The following SLC28A1 variants were observed in gnomAD, a reference collection of about 807,000 sequenced individuals.
The protein encoded by SLC28A1 is sodium/nucleoside cotransporter 1.
In SLC28A1, 64 loss-of-function variants were observed where a neutral mutation model predicts 74.8. The observed-to-expected ratio is 0.86, with a 90% CI of 0.70 to 1.05. SLC28A1 has a LOEUF of 1.05. SLC28A1 is among the 50% of genes least tolerant of loss of function. SLC28A1 has a pLI of 0.00. For missense variants in SLC28A1, 828 were observed against 822.8 expected (o/e 1.01, Z -0.08); for synonymous variants, 359 against 335.0 (o/e 1.07, Z -0.78).
chr15:84,920,566 G>C lies in SLC28A1; in HGVS notation c.877-423G>C, dbSNP rs1056910651. Among the ~76,000 whole-genome samples the C allele has an allele frequency of 3.9e-5, 6 of 152,232 alleles. No individual in the cohort carries two copies. The East Asian group carries it at 1.2e-3, about 29-fold the overall frequency. ...CACAGCATGTTAGTAAATGTTACCA[G>C]GTAAAGGTAGCCTAATCCCATGGTC... On this transcript the variant is annotated intron_variant, in intron 10 of 18. Coordinates refer to ENST00000394573, the MANE Select transcript of SLC28A1 (RefSeq NM_004213.5).
chr15:84,890,418 T>C (rs1167555331), intron 4 of SLC28A1, 25 bp from the exon 5 acceptor site: 2 of 1,573,108 alleles, frequency 1.3e-6, no homozygotes, highest in African/African-American at 1.3e-5. Context: ...CATGCACTCA[T>C]GGACCCTGCT....
At chr15:84,892,665 T>G (rs774615947) in intron 5 of SLC28A1, among the ~76,000 whole-genome samples, 26 of 152,332 alleles carry the variant, frequency 1.7e-4, no homozygotes, top group East Asian at 3.9e-4. Flanking sequence ...TTACATCACC[T>G]CTTTCCTGGG....
intron 9 of SLC28A1, among the ~76,000 whole-genome samples, chr15:84,915,677 G>A (rs751880197): frequency 5.9e-5 from 9 of 152,084 alleles, no homozygotes; most frequent in South Asian, 2.1e-4. Context: ...AGTCCTTACC[G>A]TTCCAGAGTT....
chr15:84,943,895 C>T (rs2142060135), intron 16 of SLC28A1, among the ~76,000 whole-genome samples: 1 of 151,552 alleles, frequency 6.6e-6, no homozygotes, highest in African/African-American at 2.4e-5. Context: ...CAGAGCGAGA[C>T]TCTGTCTCAA....
chr15:84,889,508 G>A (rs1419298935), intron 4 of SLC28A1, among the ~76,000 whole-genome samples: 1 of 152,162 alleles, frequency 6.6e-6, no homozygotes, highest in Non-Finnish European at 1.5e-5. Flanking sequence ...GAGAGGAGGT[G>A]AGGCTCCTTA....
chr15:84,934,870 C>T (rs2142007042), intron 13 of SLC28A1, among the ~76,000 whole-genome samples, 156 bp from the exon 14 acceptor site: 1 of 152,246 alleles, frequency 6.6e-6, no homozygotes, highest in South Asian at 2.1e-4. Context: ...TATCCCGGTG[C>T]TTTGACCAGC....
the SLC28A1 span, among the ~76,000 whole-genome samples, chr15:84,956,404 C>CCCTT: frequency 0.078 from 11,582 of 149,128 alleles, 536 homozygotes; most frequent in African/African-American, 0.13. Flanking sequence ...TTTTCTCTCT[C>CCCTT]CCTTCCTTCC....
At chr15:84,906,240 G>A (rs891120064) in intron 8 of SLC28A1, among the ~76,000 whole-genome samples, 36 of 148,894 alleles carry the variant, frequency 2.4e-4, no homozygotes, top group African/African-American at 8.5e-4. Context: ...GGCTGGTCTC[G>A]AACTCCTGAC....
At position 84,943,465 on chromosome 15, in the gene SLC28A1, G is replaced by T; in HGVS notation, c.1602G>T (p.Thr534=). Residue 534 remains threonine, a synonymous_variant, in exon 16 of 19, where the codon ACG becomes ACT. Coordinates refer to ENST00000394573, the MANE Select transcript of SLC28A1 (RefSeq NM_004213.5). ...TTCAGGTCAGAGCTGAAGTCCTCAC[G>T]ACGTTTGCCCTCTGTGGATTTGCCA... ...QWISVRAEVL[T]TFALCGFANF... 1.2e-6 allele frequency: 2 copies of T among 1,613,976 alleles called. No individual in the cohort carries two copies. The highest frequency in any genetic ancestry group is 1.7e-6 in the Non-Finnish European group (2 of 1,179,888).
chr15:84,926,743 G>T (rs114505166), intron 12 of SLC28A1, among the ~76,000 whole-genome samples: 102 of 132,444 alleles, frequency 7.7e-4, no homozygotes, highest in African/African-American at 2.9e-3. Context: ...ACCCTGCCCT[G>T]CCTTCTGGCT....
intron 6 of SLC28A1, among the ~76,000 whole-genome samples, 176 bp from the exon 7 acceptor site, chr15:84,903,921 C>A (rs532100622): frequency 6.6e-6 from 1 of 152,162 alleles, no homozygotes; most frequent in Non-Finnish European, 1.5e-5. Flanking sequence ...GGTCACACAG[C>A]GAGGTCAGCC....
chr15:84,928,575 T>TC (rs1970823901), intron 12 of SLC28A1, among the ~76,000 whole-genome samples: 3 of 24,710 alleles, frequency 1.2e-4, no homozygotes, highest in Non-Finnish European at 1.3e-4. Context: ...TCTTTCTTTC[T>TC]TTCTTTCTTT....
intron 12 of SLC28A1, among the ~76,000 whole-genome samples, chr15:84,929,026 G>T (rs578056883): frequency 6.6e-6 from 1 of 152,042 alleles, no homozygotes; most frequent in South Asian, 2.1e-4. Flanking sequence ...AGATCTCCAC[G>T]GTCCAGTACA....
At chr15:84,960,228 C>CTTTTTTTT in the SLC28A1 span, among the ~76,000 whole-genome samples, 38 of 85,586 alleles carry the variant, frequency 4.4e-4, 1 homozygote, top group East Asian at 7.2e-4. Context: ...TGCCTGCCTG[C>CTTTTTTTT]TTTTTTTTTT....
At position 84,928,527 on chromosome 15, in the gene SLC28A1, GTTCTTTCTTTCTTTCTTTCTTTCTTTCT is replaced by G. The variant is rs1200042713; in HGVS notation, c.1083+4468_1083+4495del. On this transcript the variant is annotated intron_variant, in intron 12 of 18. Coordinates refer to ENST00000394573, the MANE Select transcript of SLC28A1 (RefSeq NM_004213.5). ...TTCCTTCAAGCTCCCAGGTTCGTTCGTTCTTTCTTTCTTTCTTTCTTTCTTTCTTTCTTTCTTTCTTTCTTTCTTTCTT... is the reference window on the plus strand; with the variant it reads ...TTCCTTCAAGCTCCCAGGTTCGTTCGTTCTTTCTTTCTTTCTTTCTTTCTT... Among the ~76,000 whole-genome samples the G allele has an allele frequency of 1.1e-4, 5 of 47,176 alleles. 1 individual carries two copies. The highest frequency in any genetic ancestry group is 1.9e-4 in the Non-Finnish European group (5 of 25,930). 30.9% of individuals were successfully genotyped at this position (47,176 alleles called of 152,430 possible). A position where few individuals can be genotyped will look rare whatever the true frequency, so the allele number is the denominator to read the frequency against.
intron 8 of SLC28A1, 43 bp downstream of exon 8, chr15:84,905,695 TGGGAGTA>T (rs1438692390): frequency 7.2e-7 from 1 of 1,398,324 alleles, no homozygotes; most frequent in Admixed American, 1.7e-5. Flanking sequence ...CTTAGATTAC[TGGGAGTA>T]GGGGAGAAGC....
At chr15:84,966,677 A>C in the SLC28A1 span, among the ~76,000 whole-genome samples, 1 of 152,226 alleles carries the variant, frequency 6.6e-6, no homozygotes, top group Admixed American at 6.5e-5. Context: ...GGCACATCTC[A>C]CATGGCAGCA....
At chr15:84,926,364 ATT>A (rs35383548) in intron 12 of SLC28A1, among the ~76,000 whole-genome samples, 6 of 130,328 alleles carry the variant, frequency 4.6e-5, no homozygotes, top group African/African-American at 2.8e-5. Context: ...ACCCCTGGCT[ATT>A]TTTTTTTTTT....
chr15:84,956,042 A>G, the SLC28A1 span, among the ~76,000 whole-genome samples: 1 of 152,246 alleles, frequency 6.6e-6, no homozygotes, highest in Non-Finnish European at 1.5e-5. Context: ...CAACAATAAC[A>G]GGAAAACATT....
Sources: gnomAD v4.1 joint callset for allele counts (sites outside exome capture counted in the v4.1 genomes callset) on GRCh38, gnomAD v4.1.1 for gene constraint, MANE v1.5 for transcripts, NCBI Gene and HGNC (gene_info 2026-07-23, HGNC 2026-07-21) for gene names.